MRTFA: variants seen among roughly 807,000 people sequenced by gnomAD.
MRTFA encodes the protein myocardin related transcription factor A.
In MRTFA, 20 loss-of-function variants were observed where a neutral mutation model predicts 83.5. That is an observed-to-expected ratio of 0.24 (90% CI 0.17 to 0.35). The LOEUF (loss-of-function observed/expected upper bound fraction) is 0.35. Among genes scored for constraint, MRTFA ranks in the 10% least tolerant of loss-of-function variants. The pLI is 1.00. For synonymous variants in MRTFA, 659 were observed against 541.2 expected (o/e 1.22, Z -3.02); for missense variants, 1,200 against 1,224.7 (o/e 0.98, Z 0.30).
At chr22:40,566,919 C>T (rs1001401336) in intron 2 of MRTFA, among the ~76,000 whole-genome samples, 4 of 152,154 alleles carry the variant, frequency 2.6e-5, no homozygotes, top group Non-Finnish European at 5.9e-5. Context: ...TAGCGTGCCA[C>T]CTGACTCTGA....
Position 40,448,861 on chromosome 22 carries a change from T to C in MRTFA, c.308-13307A>G, listed in dbSNP as rs547955904. On this transcript the variant is annotated intron_variant, in intron 4 of 14. Transcript: ENST00000355630. ...AATGACCAGCGATATGGTACAAAGC[T>C]ATGAGAGAGGCAGGCAAGCCAGGCT... Among the ~76,000 whole-genome samples, 52 of 152,310 alleles carry C rather than the reference T, an allele frequency of 3.4e-4. 1 individual carries two copies. The South Asian group carries it at 0.01, about 30-fold the overall frequency.
intron 3 of MRTFA, among the ~76,000 whole-genome samples, chr22:40,512,721 T>G (rs1196181160): frequency 6.6e-6 from 1 of 152,250 alleles, no homozygotes. Flanking sequence ...AGTGAGGTTT[T>G]GTGGAGCTGA....
chr22:40,633,589 A>G (rs1207644659), intron 1 of MRTFA, among the ~76,000 whole-genome samples: 1 of 152,198 alleles, frequency 6.6e-6, no homozygotes, highest in Admixed American at 6.5e-5. Context: ...ATCTGTATAT[A>G]TCAATGTACT....
intron 3 of MRTFA, among the ~76,000 whole-genome samples, chr22:40,481,070 T>C (rs901152548): frequency 6.6e-6 from 1 of 152,124 alleles, no homozygotes; most frequent in African/African-American, 2.4e-5. Context: ...ATTATGCCAC[T>C]GCAGTCTAGC....
intron 14 of MRTFA, chr22:40,412,121 G>A (rs1436738751): frequency 2.5e-6 from 1 of 402,576 alleles, no homozygotes; most frequent in Admixed American, 4.5e-5. Flanking sequence ...AATACACAGA[G>A]AACTTCTAAA....
intron 2 of MRTFA, among the ~76,000 whole-genome samples, chr22:40,571,553 AATAT>A (rs1242443158): frequency 6.6e-6 from 1 of 152,174 alleles, no homozygotes; most frequent in Non-Finnish European, 1.5e-5. Context: ...TAATATCCAG[AATAT>A]ATAAAGAACT....
chr22:40,627,440 A>T (rs985264139), intron 1 of MRTFA, among the ~76,000 whole-genome samples: 4 of 152,216 alleles, frequency 2.6e-5, no homozygotes, highest in Admixed American at 2.0e-4. Flanking sequence ...TAATTGAGCA[A>T]CTTAAGATGT....
chr22:40,532,644 C>T (rs887787625), intron 3 of MRTFA, among the ~76,000 whole-genome samples: 14 of 152,206 alleles, frequency 9.2e-5, no homozygotes, highest in African/African-American at 3.1e-4. Context: ...AACCAGATAG[C>T]ATCTGATCCT....
chr22:40,488,116 T>C (rs1302457005), intron 3 of MRTFA, among the ~76,000 whole-genome samples: 1 of 152,152 alleles, frequency 6.6e-6, no homozygotes, highest in African/African-American at 2.4e-5. Flanking sequence ...CTTTAAGAGT[T>C]TGCAGATAAT....
chr22:40,610,728 C>T (rs1169624042), intron 1 of MRTFA, among the ~76,000 whole-genome samples: 1 of 151,290 alleles, frequency 6.6e-6, no homozygotes, highest in East Asian at 1.9e-4. Context: ...ATATTAGATA[C>T]ATAAGAAAGA....
In MRTFA at chr22:40,423,651, C is replaced by G. The variant is rs1447911654; in HGVS notation, c.812G>C (p.Arg271Thr). ...CTGCTCTGCCAGGAAAAGCATTTCT[C>G]TGGAATCCCGGCCCATCGGAAGTTG... Residue 271 changes from arginine to threonine, a missense_variant, in exon 9 of 15, where the codon AGA (arginine) becomes ACA (threonine). Physicochemically the swap from Arg to Thr is moderately conservative, Grantham distance 71. Transcript: ENST00000355630. The G allele has an allele frequency of 6.3e-7, 1 of 1,585,160 alleles. No individual in the cohort carries two copies. Among genetic ancestry groups the G allele is most frequent in the Admixed American group, 1.8e-5 (1 of 56,996 alleles).
At chr22:40,474,084 T>C (rs2053955216) in intron 3 of MRTFA, among the ~76,000 whole-genome samples, 1 of 152,210 alleles carries the variant, frequency 6.6e-6, no homozygotes, top group South Asian at 2.1e-4. Context: ...GGCACAAAAG[T>C]AATTGAGGCT....
chr22:40,440,360 C>T (rs1383894587), intron 4 of MRTFA, among the ~76,000 whole-genome samples: 1 of 152,168 alleles, frequency 6.6e-6, no homozygotes, highest in Non-Finnish European at 1.5e-5. Flanking sequence ...TGGACCCCAA[C>T]CCAGGTCTAG....
rs946430235 is a variant in MRTFA, at chr22:40,432,760, G to A, written c.364-1280C>T. On this transcript the variant is annotated intron_variant, in intron 5 of 14. Coordinates refer to ENST00000355630, the MANE Select transcript of MRTFA (RefSeq NM_020831.6). ...GTTCTGGCTGGGCAGCTCTGTGCCA[G>A]CCCAGGGGAGGCTGAGCAATCCAGG... Among the ~76,000 whole-genome samples, 7 of 152,072 alleles carry A rather than the reference G, an allele frequency of 4.6e-5. No individual in the cohort carries two copies. The East Asian group carries it at 7.7e-4, about 17-fold the overall frequency.
chr22:40,599,394 T>C (rs1485749257), intron 1 of MRTFA, among the ~76,000 whole-genome samples: 1 of 152,172 alleles, frequency 6.6e-6, no homozygotes, highest in Non-Finnish European at 1.5e-5. Flanking sequence ...CCAGTGGAAA[T>C]TTAGCTTTTA....
At chr22:40,632,244 C>T (rs2056649480) in intron 1 of MRTFA, among the ~76,000 whole-genome samples, 1 of 152,184 alleles carries the variant, frequency 6.6e-6, no homozygotes, top group African/African-American at 2.4e-5. Context: ...TCACCAGCCT[C>T]AGTCAAGCCT....
At chr22:40,432,283 A>C (rs574681144) in intron 5 of MRTFA, among the ~76,000 whole-genome samples, 191 of 151,938 alleles carry the variant, frequency 1.3e-3, no homozygotes, top group African/African-American at 3.8e-3. Flanking sequence ...CCAAAAAAAA[A>C]CCCCAAAAAC....
chr22:40,554,348 T>C (rs2055487678), intron 2 of MRTFA, among the ~76,000 whole-genome samples: 1 of 152,188 alleles, frequency 6.6e-6, no homozygotes, highest in African/African-American at 2.4e-5. Context: ...CACCTTGAAC[T>C]GTAGTTCCCA....
chr22:40,584,644 G>C (rs1004159229), intron 2 of MRTFA, among the ~76,000 whole-genome samples: 1 of 150,620 alleles, frequency 6.6e-6, no homozygotes, highest in Non-Finnish European at 1.5e-5. Flanking sequence ...ACCGTAGCAG[G>C]AGAATCACCC....
Sources: gnomAD v4.1 joint callset for allele counts (sites outside exome capture counted in the v4.1 genomes callset) on GRCh38, gnomAD v4.1.1 for gene constraint, MANE v1.5 for transcripts, NCBI Gene and HGNC (gene_info 2026-07-23, HGNC 2026-07-21) for gene names.